Variants in CADM2 observed in about 807,000 individuals in gnomAD.
CADM2 encodes cell adhesion molecule 2.
Under a neutral mutation model 49.8 loss-of-function variants are expected in CADM2, and 12 were observed. That is an observed-to-expected ratio of 0.24 (90% CI 0.15 to 0.39). The LOEUF is 0.39. Among genes scored for constraint, CADM2 ranks in the 10% least tolerant of loss-of-function variants. CADM2 has a pLI of 1.00. For synonymous variants in CADM2, 214 were observed against 175.4 expected (o/e 1.22, Z -1.74); for missense variants, 378 against 492.3 (o/e 0.77, Z 2.20).
At chr3:85,360,468 A>T (rs1204903114) in intron 1 of CADM2, among the ~76,000 whole-genome samples, 1 of 152,170 alleles carries the variant, frequency 6.6e-6, no homozygotes, top group Non-Finnish European at 1.5e-5. Context: ...TTATTTTTGG[A>T]TTCATGTATC....
chr3:85,570,499 A>G (rs976204481), intron 1 of CADM2, among the ~76,000 whole-genome samples: 2 of 152,194 alleles, frequency 1.3e-5, no homozygotes, highest in African/African-American at 4.8e-5. Context: ...TCATATAGAC[A>G]TAAAGAACAA....
At position 86,074,365 on chromosome 3, in the gene CADM2, T is replaced by C. The variant is rs1703429618; in HGVS notation, c.*7582T>C. On this transcript the variant is annotated 3_prime_UTR_variant, in exon 10 of 10. Coordinates refer to ENST00000383699, the MANE Select transcript of CADM2 (RefSeq NM_001167675.2). ...AAGGCTGTACAAGATTTAGTGTCATTGGGTCTCATATTTGTGTTAGACCAT... is the reference window on the plus strand; with the variant it reads ...AAGGCTGTACAAGATTTAGTGTCATCGGGTCTCATATTTGTGTTAGACCAT... The C allele has an allele frequency of 6.6e-6, 1 of 152,080 alleles. No individual in the cohort carries two copies. Among genetic ancestry groups the C allele is most frequent in the African/African-American group, 2.4e-5 (1 of 41,464 alleles). 9.4% of individuals were successfully genotyped at this position (152,080 alleles called of 1,614,324 possible).
intron 1 of CADM2, among the ~76,000 whole-genome samples, chr3:85,089,851 T>C (rs1361760727): frequency 6.6e-6 from 1 of 152,142 alleles, no homozygotes; most frequent in Non-Finnish European, 1.5e-5. Flanking sequence ...TGCTGAAAAA[T>C]GTTCCTTTTT....
At chr3:85,796,742 C>G (rs2071647235) in intron 2 of CADM2, among the ~76,000 whole-genome samples, 1 of 151,966 alleles carries the variant, frequency 6.6e-6, no homozygotes, top group African/African-American at 2.4e-5. Context: ...AGTGGGGGAA[C>G]AGCGCTTATC....
At chr3:85,105,209 T>G (rs962832449) in intron 1 of CADM2, among the ~76,000 whole-genome samples, 4 of 152,102 alleles carry the variant, frequency 2.6e-5, no homozygotes, top group Non-Finnish European at 5.9e-5. Flanking sequence ...GACAAAGGGC[T>G]AATATGCAGA....
intron 1 of CADM2, among the ~76,000 whole-genome samples, chr3:85,544,532 G>A (rs567816120): frequency 3.3e-5 from 5 of 152,152 alleles, no homozygotes; most frequent in Admixed American, 1.3e-4. Context: ...AACGGAGATC[G>A]CGCCACTGCA....
At chr3:85,494,153 T>C (rs1175516839) in intron 1 of CADM2, among the ~76,000 whole-genome samples, 4 of 152,144 alleles carry the variant, frequency 2.6e-5, no homozygotes, top group African/African-American at 9.7e-5. Flanking sequence ...TTCAATTATG[T>C]AGTATTCATT....
chr3:85,341,990 A>G (rs2045251914), intron 1 of CADM2, among the ~76,000 whole-genome samples: 2 of 152,206 alleles, frequency 1.3e-5, no homozygotes, highest in African/African-American at 2.4e-5. Flanking sequence ...AGCAATGGCA[A>G]CAAAAGCCAA....
chr3:85,898,408 C>A (rs1409426227), intron 5 of CADM2, among the ~76,000 whole-genome samples: 1 of 151,930 alleles, frequency 6.6e-6, no homozygotes, highest in Non-Finnish European at 1.5e-5. Context: ...TATTTATTAT[C>A]CCCAAAAGTT....
chr3:85,664,535 A>G (rs555178394), intron 1 of CADM2, among the ~76,000 whole-genome samples: 1 of 152,010 alleles, frequency 6.6e-6, no homozygotes, highest in South Asian at 2.1e-4. Flanking sequence ...TATACCCAAA[A>G]TCACTCCAAC....
At chr3:85,625,014 C>A (rs575620610) in intron 1 of CADM2, among the ~76,000 whole-genome samples, 2 of 152,138 alleles carry the variant, frequency 1.3e-5, no homozygotes, top group South Asian at 4.1e-4. Flanking sequence ...AACTAAGCTT[C>A]GGTTCCTCAT....
intron 5 of CADM2, among the ~76,000 whole-genome samples, chr3:85,890,258 G>C (rs1483583406): frequency 1.3e-5 from 2 of 152,068 alleles, no homozygotes; most frequent in Admixed American, 1.3e-4. Flanking sequence ...GTGAGAGTTT[G>C]ATTAGCTCTC....
At chr3:85,114,138 T>A (rs1210592932) in intron 1 of CADM2, among the ~76,000 whole-genome samples, 3 of 152,088 alleles carry the variant, frequency 2.0e-5, no homozygotes, top group Admixed American at 2.0e-4. Context: ...AAATTCTCTC[T>A]TTACAGTTCC....
At chr3:85,189,987 T>A (rs1007430860) in intron 1 of CADM2, among the ~76,000 whole-genome samples, 1 of 135,098 alleles carries the variant, frequency 7.4e-6, no homozygotes, top group Non-Finnish European at 1.5e-5. Flanking sequence ...AGTGTCTGCA[T>A]GGATGAACCT....
At chr3:85,799,423 T>A (rs1050726067) in intron 2 of CADM2, among the ~76,000 whole-genome samples, 1 of 152,210 alleles carries the variant, frequency 6.6e-6, no homozygotes, top group African/African-American at 2.4e-5. Context: ...TAAGTAGCTC[T>A]TATTATTTTG....
chr3:85,203,113 T>C (rs549277281), intron 1 of CADM2, among the ~76,000 whole-genome samples: 1 of 152,276 alleles, frequency 6.6e-6, no homozygotes, highest in East Asian at 1.9e-4. Flanking sequence ...AGCTCTTTCT[T>C]ATCATTTGTG....
chr3:85,051,889 A>C (rs2035895920), intron 1 of CADM2, among the ~76,000 whole-genome samples: 1 of 152,150 alleles, frequency 6.6e-6, no homozygotes, highest in Non-Finnish European at 1.5e-5. Context: ...CAAACTCCCC[A>C]CTGAGATATT....
At chr3:85,075,146 G>A (rs2036895681) in intron 1 of CADM2, among the ~76,000 whole-genome samples, 1 of 151,802 alleles carries the variant, frequency 6.6e-6, no homozygotes, top group African/African-American at 2.4e-5. Flanking sequence ...TTATGATGGT[G>A]AGAACTTTAC....
At position 85,495,551 on chromosome 3, in the gene CADM2, C is replaced by A. The variant is rs150477214; in HGVS notation, c.62-230971C>A. 9.2e-5 allele frequency among the ~76,000 whole-genome samples: 14 copies of A among 152,166 alleles called. No individual in the cohort carries two copies. The East Asian group carries it at 2.7e-3, about 29-fold the overall frequency. On this transcript the variant is annotated intron_variant, in intron 1 of 9. Coordinates refer to ENST00000383699, the MANE Select transcript of CADM2 (RefSeq NM_001167675.2). ...TCTGCTTATTTCTCTAACTAAAAGT[C>A]TAGTCCCTGTTTGTTCTTTATTATT...
Sources: allele counts gnomAD v4.1 joint callset (sites outside exome capture counted in the v4.1 genomes callset), GRCh38; gene constraint gnomAD v4.1.1; transcripts MANE v1.5; gene names NCBI Gene and HGNC (gene_info 2026-07-23, HGNC 2026-07-21).